The following ACACB variants were observed in gnomAD, a reference collection of about 807,000 sequenced individuals.
ACACB encodes acetyl-CoA carboxylase beta, also known as acetyl-CoA carboxylase 2.
Under a neutral mutation model 278.8 loss-of-function variants are expected in ACACB, and 209 were observed. That is an observed-to-expected ratio of 0.75 (90% confidence interval 0.67 to 0.84). ACACB has a LOEUF of 0.84. Among genes scored for constraint, ACACB ranks in the 40% least tolerant of loss-of-function variants. ACACB has a pLI of 0.00. For missense variants in ACACB, 2,850 were observed against 3,269.0 expected (o/e 0.87, Z 3.13); for synonymous variants, 1,174 against 1,285.6 (o/e 0.91, Z 1.86).
chr12:109,140,887 A>ATTTT (rs1199430362), intron 2 of ACACB, among the ~76,000 whole-genome samples: 2 of 101,758 alleles, frequency 2.0e-5, no homozygotes, highest in East Asian at 4.4e-4. Context: ...TGATTCATTC[A>ATTTT]TTCTTTTTTT....
At chr12:109,166,590 C>T (rs544564200) in intron 2 of ACACB, among the ~76,000 whole-genome samples, 7 of 140,252 alleles carry the variant, frequency 5.0e-5, no homozygotes, top group African/African-American at 1.9e-4. Flanking sequence ...GTCGAGGCTG[C>T]AGCGAGCCAC....
intron 16 of ACACB, among the ~76,000 whole-genome samples, chr12:109,195,090 G>C (rs1383751872): frequency 6.6e-6 from 1 of 152,244 alleles, no homozygotes; most frequent in Admixed American, 6.5e-5. Flanking sequence ...GCACAGGTAG[G>C]GGGTGAGGCT....
At chr12:109,115,057 T>C (rs1315574461), upstream of ACACB, among the ~76,000 whole-genome samples, 2 of 152,204 alleles carry the variant, frequency 1.3e-5, no homozygotes, top group African/African-American at 2.4e-5. Flanking sequence ...GAGAACTGAA[T>C]CACTGCAGAG....
Position 109,172,311 on chromosome 12 carries a change from C to T in ACACB, c.1072C>T (p.Pro358Ser). The T allele has an allele frequency of 2.5e-6, 4 of 1,614,084 alleles. No individual in the cohort carries two copies. In the African/African-American group the frequency reaches 4.0e-5, roughly 16 times the overall value. Residue 358 changes from proline (P) to serine (S), a missense_variant, in exon 6 of 53, where the codon CCT (proline) becomes TCT (serine). Coordinates refer to ENST00000338432, the MANE Select transcript of ACACB (RefSeq NM_001093.4). ...WAGWGHASEN[P>S]KLPELLCKNG... ...TGGCTGGGGCCATGCTTCAGAAAACCCTAAACTTCCGGAGCTGCTGTGCAA... is the reference window on the plus strand; with the variant it reads ...TGGCTGGGGCCATGCTTCAGAAAACTCTAAACTTCCGGAGCTGCTGTGCAA...
rs138514497 is a variant in ACACB, at chr12:109,264,395, C to T, written c.6942+9C>T. ...AGAAGGGCGTCATATCTGTGAGAGC[C>T]ACAGCTGCCGTGTAGGGTGCAAAGA... is the stretch of plus-strand genomic sequence containing the variant. On this transcript the variant is annotated intron_variant, in intron 50 of 52. Coordinates refer to ENST00000338432, the MANE Select transcript of ACACB (RefSeq NM_001093.4). 977 of 1,613,482 alleles carry T rather than the reference C, an allele frequency of 6.1e-4. 5 individuals carry two copies. In the African/African-American group the frequency reaches 0.011, roughly 18 times the overall value.
intron 43 of ACACB, 92 bp from the exon 44 acceptor site, chr12:109,254,122 G>C: frequency 6.7e-7 from 1 of 1,487,196 alleles, no homozygotes; most frequent in Admixed American, 1.7e-5. Context: ...TGCATAACCA[G>C]GCATAATCAT....
At chr12:109,214,242 C>G (rs943000482) in intron 22 of ACACB, among the ~76,000 whole-genome samples, 2 of 151,936 alleles carry the variant, frequency 1.3e-5, no homozygotes, top group Non-Finnish European at 2.9e-5. Context: ...AGCCTGGGGA[C>G]AGAGCAAGAC....
At chr12:109,111,993 C>A (rs1028828489), upstream of ACACB, among the ~76,000 whole-genome samples, 2 of 148,172 alleles carry the variant, frequency 1.3e-5, no homozygotes, top group Non-Finnish European at 3.0e-5. Flanking sequence ...ACAGTGGACT[C>A]CCTTAGCCAA....
chr12:109,216,789 C>G lies in ACACB; in HGVS notation c.3440-7C>G, dbSNP rs748235646. On this transcript the variant is annotated splice_region_variant and splice_polypyrimidine_tract_variant and intron_variant, in intron 23 of 52. Coordinates refer to ENST00000338432, the MANE Select transcript of ACACB (RefSeq NM_001093.4). Reference sequence around the variant, plus strand: ...TTTACCTCTGTGTGGTGTTTTGTCTCCCCCAGCCCACTACGACAAGTGTGT... The same window carrying G: ...TTTACCTCTGTGTGGTGTTTTGTCTGCCCCAGCCCACTACGACAAGTGTGT... 1 of 1,613,924 alleles carries G rather than the reference C, an allele frequency of 6.2e-7. No individual in the cohort carries two copies. Among genetic ancestry groups the G allele is most frequent in the Non-Finnish European group, 8.5e-7 (1 of 1,179,992 alleles).
At chr12:109,145,560 A>G (rs745831232) in intron 2 of ACACB, among the ~76,000 whole-genome samples, 1 of 152,096 alleles carries the variant, frequency 6.6e-6, no homozygotes. Context: ...CATAAATTAT[A>G]TTTAAGGGTG....
intron 28 of ACACB, among the ~76,000 whole-genome samples, chr12:109,227,968 G>GGT (rs2046360525): frequency 6.6e-6 from 1 of 151,490 alleles, no homozygotes; most frequent in African/African-American, 2.4e-5. Flanking sequence ...GGGAGGCAGA[G>GGT]TGAGTCAGTG....
upstream of ACACB, among the ~76,000 whole-genome samples, chr12:109,114,181 C>G (rs1196268653): frequency 6.6e-6 from 1 of 152,120 alleles, no homozygotes; most frequent in Non-Finnish European, 1.5e-5. Context: ...CTAAGTTGCC[C>G]AGGCTAGGGA....
At chr12:109,158,736 G>C (rs937353589) in intron 2 of ACACB, among the ~76,000 whole-genome samples, 1 of 152,172 alleles carries the variant, frequency 6.6e-6, no homozygotes, top group Non-Finnish European at 1.5e-5. Flanking sequence ...CACTTTGGGA[G>C]GCCAAGGTGG....
Position 109,222,616 on chromosome 12 carries a change from G to C in ACACB, c.3674G>C (p.Arg1225Pro), listed in dbSNP as rs762060491. The C allele has an allele frequency of 6.2e-7, 1 of 1,613,792 alleles. No homozygotes were observed. Among genetic ancestry groups the C allele is most frequent in the East Asian group, 2.2e-5 (1 of 44,870 alleles). Reference sequence around the variant, plus strand: ...CACTGCAAAGTGGCCCTCAGAGCCCGGCAGGTAGGGTCTCAGGGTGCGGTC... The same window carrying C: ...CACTGCAAAGTGGCCCTCAGAGCCCCGCAGGTAGGGTCTCAGGGTGCGGTC... ...SEHCKVALRA[R>P]QILIASHLPS... is the part of the protein sequence containing the mutation. Residue 1225 changes from arginine (R) to proline (P), a missense_variant, in exon 25 of 53, where the codon CGG becomes CCG. Arg to Pro is a moderately radical substitution (Grantham distance 103). Coordinates refer to ENST00000338432, the MANE Select transcript of ACACB (RefSeq NM_001093.4).
rs2047528550 is a variant in ACACB, at chr12:109,266,729, T to G, written c.*367T>G. Reference sequence around the variant, plus strand: ...CCTTGGATACCACATCGTGAAATCTTTTATTTTTTTACTCTGAGACCAGCA... The same window carrying G: ...CCTTGGATACCACATCGTGAAATCTGTTATTTTTTTACTCTGAGACCAGCA... On this transcript the variant is annotated 3_prime_UTR_variant, in exon 53 of 53. Transcript: ENST00000338432. The G allele has an allele frequency of 6.3e-6, 1 of 157,486 alleles. No homozygotes were observed. The highest frequency in any genetic ancestry group is 1.4e-5 in the Non-Finnish European group (1 of 71,862). The allele number at this position is 157,486 out of a possible 1,614,324, so 9.8% of individuals were successfully genotyped here. A position where few individuals can be genotyped will look rare whatever the true frequency, so the allele number is the denominator to read the frequency against.
intron 22 of ACACB, among the ~76,000 whole-genome samples, chr12:109,214,280 A>G (rs2045931915): frequency 6.6e-6 from 1 of 152,070 alleles, no homozygotes; most frequent in African/African-American, 2.4e-5. Context: ...AGAAAAAAGG[A>G]ATCAAAGCAT....
chr12:109,199,757 T>C (rs920392756), intron 18 of ACACB, among the ~76,000 whole-genome samples: 7 of 152,328 alleles, frequency 4.6e-5, no homozygotes, highest in Non-Finnish European at 8.8e-5. Context: ...TTCACGCCTG[T>C]AATCCCAGCA....
chr12:109,216,227 T>C (rs2045992915), intron 22 of ACACB, among the ~76,000 whole-genome samples: 2 of 148,524 alleles, frequency 1.3e-5, no homozygotes, highest in Middle Eastern at 6.8e-3. Flanking sequence ...CTCTTTTTTT[T>C]TTTTTTTTTT....
In ACACB at chr12:109,139,736, C is replaced by T. The variant is rs2043054779; in HGVS notation, c.331C>T (p.Pro111Ser). 2.5e-6 allele frequency: 4 copies of T among 1,614,066 alleles called. No individual in the cohort carries two copies. In the South Asian group the frequency reaches 3.3e-5, roughly 13 times the overall value. The change falls in exon 2 of 53, where the codon CCC (proline) becomes TCC (serine). Residue 111 changes from proline (P) to serine (S), a missense_variant. This residue lies in a region of ACACB where 2,265 missense variants were observed against 2,561.3 expected (regional missense o/e 0.88). Transcript: ENST00000338432. ...RNPLSSSDAA[P>S]SPELQANGTG... is the part of the protein sequence containing the mutation. ...CCCCCTTTCTTCCAGTGACGCAGCA[C>T]CCTCCCCAGAGCTTCAAGCCAACGG...
Sources: gnomAD v4.1 joint callset for allele counts (sites outside exome capture counted in the v4.1 genomes callset) on GRCh38, gnomAD v4.1.1 for gene constraint, gnomAD v4.1.1 regional missense constraint, MANE v1.5 for transcripts, NCBI Gene and HGNC (gene_info 2026-07-23, HGNC 2026-07-21) for gene names.